The following OR6N1 variants were observed in gnomAD, a reference collection of about 807,000 sequenced individuals.
The protein encoded by OR6N1 is olfactory receptor family 6 subfamily N member 1.
For synonymous variants in OR6N1, 170 were observed against 150.7 expected (o/e 1.13, Z -0.94); for missense variants, 394 against 371.7 (o/e 1.06, Z -0.49).
upstream of OR6N1, chr1:158,776,428 G>A: frequency 3.2e-6 from 1 of 315,080 alleles, no homozygotes; most frequent in East Asian, 5.5e-5. Flanking sequence ...GGATGGAAAT[G>A]TGTGGACCTA....
chr1:158,805,207 T>C, the OR6N1 span, among the ~76,000 whole-genome samples: 2 of 152,236 alleles, frequency 1.3e-5, no homozygotes, highest in Non-Finnish European at 2.9e-5. Context: ...ATGTCCTGTA[T>C]GACAGAATGT....
chr1:158,782,774 G>A, the OR6N1 span, among the ~76,000 whole-genome samples: 1 of 151,890 alleles, frequency 6.6e-6, no homozygotes, highest in Non-Finnish European at 1.5e-5. Flanking sequence ...TTTTCTGATT[G>A]TACAGTGTTA....
At chr1:158,825,161 C>T in the OR6N1 span, among the ~76,000 whole-genome samples, 1 of 151,972 alleles carries the variant, frequency 6.6e-6, no homozygotes, top group Non-Finnish European at 1.5e-5. Context: ...AGCAAAGGGC[C>T]AGGCGCAGTG....
the OR6N1 span, among the ~76,000 whole-genome samples, chr1:158,835,439 A>G: frequency 6.6e-6 from 1 of 152,060 alleles, no homozygotes; most frequent in Non-Finnish European, 1.5e-5. Context: ...ACTGATTTGT[A>G]TGTGTTGCCT....
At chr1:158,800,907 G>A in the OR6N1 span, among the ~76,000 whole-genome samples, 2 of 152,250 alleles carry the variant, frequency 1.3e-5, no homozygotes, top group South Asian at 2.1e-4. Flanking sequence ...ACAGTTCCAC[G>A]CTTGGTCTTC....
upstream of OR6N1, chr1:158,775,400 G>A (rs563812446): frequency 6.6e-6 from 1 of 152,294 alleles, no homozygotes; most frequent in African/African-American, 2.4e-5. Context: ...CATGTAGCTA[G>A]GAAAGAGGGA....
Position 158,766,026 on chromosome 1 carries a change from C to T in OR6N1, c.657G>A (p.Val219=), listed in dbSNP as rs1428423780. The T allele has an allele frequency of 6.2e-7, 1 of 1,614,150 alleles. No individual in the cohort carries two copies. Among genetic ancestry groups the T allele is most frequent in the Non-Finnish European group, 8.5e-7 (1 of 1,180,032 alleles). The change falls in exon 2 of 2, where the codon GTG becomes GTA. Residue 219 remains valine (V), a synonymous_variant. Transcript: ENST00000641846. ...TTCTGAGCACTGTGCAGATGATCTG[C>T]ACATAGGAGCAGAGGATCAGCAGGA... The part of the protein sequence containing the change: ...ATFLLILCSY[V]QIICTVLRIP...
At chr1:158,771,556 C>A (rs1042936091) in intron 1 of OR6N1, among the ~76,000 whole-genome samples, 8 of 152,164 alleles carry the variant, frequency 5.3e-5, no homozygotes, top group Admixed American at 4.6e-4. Flanking sequence ...ATAGTTTATT[C>A]CCCTAATTCT....
chr1:158,802,322 C>G, the OR6N1 span, among the ~76,000 whole-genome samples: 2 of 151,452 alleles, frequency 1.3e-5, no homozygotes, highest in South Asian at 4.2e-4. Flanking sequence ...ATTCTCCTGC[C>G]TCAGCCTCCC....
chr1:158,799,395 A>G, the OR6N1 span, among the ~76,000 whole-genome samples: 2 of 152,212 alleles, frequency 1.3e-5, no homozygotes, highest in Non-Finnish European at 2.9e-5. Context: ...TCTCTAGCCT[A>G]CGTTTAAGTA....
the OR6N1 span, among the ~76,000 whole-genome samples, chr1:158,834,327 G>A: frequency 1.3e-5 from 2 of 150,212 alleles, no homozygotes; most frequent in Admixed American, 6.7e-5. Flanking sequence ...CCGCCTCCCG[G>A]GTTCACGCCA....
chr1:158,809,756 C>A, the OR6N1 span, among the ~76,000 whole-genome samples: 1 of 152,052 alleles, frequency 6.6e-6, no homozygotes, highest in Non-Finnish European at 1.5e-5. Context: ...TTTCAGGAAG[C>A]CCCTCTGAAG....
the OR6N1 span, among the ~76,000 whole-genome samples, chr1:158,819,449 T>A: frequency 6.6e-6 from 1 of 152,212 alleles, no homozygotes; most frequent in Non-Finnish European, 1.5e-5. Context: ...CACACATTCC[T>A]TGACCTTCAT....
At chr1:158,811,613 A>AG in the OR6N1 span, among the ~76,000 whole-genome samples, 2 of 152,236 alleles carry the variant, frequency 1.3e-5, no homozygotes, top group Admixed American at 6.5e-5. Flanking sequence ...AACAGATTGA[A>AG]GCCCTGATCC....
upstream of OR6N1, chr1:158,776,888 T>C (rs41273541): frequency 0.069 from 111,923 of 1,613,962 alleles, 7,726 homozygotes; most frequent in South Asian, 0.27. Flanking sequence ...CCAAAGAAGA[T>C]GAGGACCACA....
At chr1:158,780,600 C>T in the OR6N1 span, among the ~76,000 whole-genome samples, 8 of 152,206 alleles carry the variant, frequency 5.3e-5, no homozygotes, top group Non-Finnish European at 1.0e-4. Flanking sequence ...AGAGAACTTG[C>T]ATTAGCCTAC....
the OR6N1 span, among the ~76,000 whole-genome samples, chr1:158,837,120 G>A: frequency 6.6e-6 from 1 of 151,774 alleles, no homozygotes; most frequent in Non-Finnish European, 1.5e-5. Context: ...CTAATTTGTG[G>A]TATATGTTGG....
intron 1 of OR6N1, among the ~76,000 whole-genome samples, chr1:158,771,200 T>C (rs74122470): frequency 0.019 from 2,843 of 152,320 alleles, 48 homozygotes; most frequent in African/African-American, 0.041. Flanking sequence ...TTCACACTTC[T>C]AAATTCTCAG....
chr1:158,798,548 AATTT>A, the OR6N1 span, among the ~76,000 whole-genome samples: 5 of 151,774 alleles, frequency 3.3e-5, no homozygotes, highest in South Asian at 2.1e-4. Flanking sequence ...ATTTATTTCT[AATTT>A]ATTTATATCA....
Sources: gnomAD v4.1 joint callset for allele counts (sites outside exome capture counted in the v4.1 genomes callset) on GRCh38, gnomAD v4.1.1 for gene constraint, MANE v1.5 for transcripts, NCBI Gene and HGNC (gene_info 2026-07-23, HGNC 2026-07-21) for gene names.